Variants in IMPG1 observed in about 807,000 individuals in gnomAD.
IMPG1 encodes the protein interphotoreceptor matrix proteoglycan of 150 kDa.
In IMPG1, 85 loss-of-function variants were observed where a neutral mutation model predicts 92.0. The observed-to-expected ratio is 0.92, with a 90% confidence interval of 0.78 to 1.11. The LOEUF (loss-of-function observed/expected upper bound fraction) is 1.11, where lower values mean the gene tolerates loss of function less well. Ranked by LOEUF, IMPG1 falls within the 50% of genes least tolerant of loss-of-function variation. The probability of loss-of-function intolerance (pLI) is 0.00; values close to 1 mark genes in which losing one functional copy is unlikely to be tolerated. For missense variants in IMPG1, 1,022 were observed against 956.0 expected (o/e 1.07, Z -0.91); for synonymous variants, 367 against 334.1 (o/e 1.10, Z -1.08).
rs1358667738 is a variant in IMPG1 at position 75,988,149 on chromosome 6, G to T, written c.1291+14769C>A. ...TGGGTATATACCTACTAATGGGATG[G>T]CTGGGTCAAATGGTATTTCTAGTTC... On this transcript the variant is annotated intron_variant, in intron 12 of 16. Transcript: ENST00000369950. Among the ~76,000 whole-genome samples the T allele has an allele frequency of 2.0e-5, 3 of 152,276 alleles. No individual in the cohort carries two copies. In the East Asian group the frequency reaches 5.8e-4, roughly 29 times the overall value.
At chr6:75,958,336 C>T (rs1331461321) in intron 12 of IMPG1, among the ~76,000 whole-genome samples, 1 of 152,154 alleles carries the variant, frequency 6.6e-6, no homozygotes, top group East Asian at 1.9e-4. Flanking sequence ...TTCATTTCAA[C>T]TTTGGTGAAT....
chr6:75,939,965 T>C (rs1198249057), intron 14 of IMPG1, among the ~76,000 whole-genome samples: 2 of 152,248 alleles, frequency 1.3e-5, no homozygotes, highest in Non-Finnish European at 2.9e-5. Flanking sequence ...TAAAGCATTC[T>C]GATGACCTTT....
chr6:75,982,541 ATATCTATCTATC>A (rs145538984), intron 12 of IMPG1, among the ~76,000 whole-genome samples: 1 of 146,628 alleles, frequency 6.8e-6, no homozygotes, highest in Non-Finnish European at 1.5e-5. Flanking sequence ...AAAAATGTGT[ATATCTATCTATC>A]TATCTATCTA....
chr6:75,962,523 C>T (rs1313897383), intron 12 of IMPG1, among the ~76,000 whole-genome samples: 2 of 152,030 alleles, frequency 1.3e-5, no homozygotes, highest in Non-Finnish European at 2.9e-5. Context: ...TTCCACAGAA[C>T]AGGAGAATAA....
Position 76,003,916 on chromosome 6 carries a change from G to A in IMPG1, c.1170C>T (p.Asp390=), listed in dbSNP as rs1228477654. The change falls in exon 11 of 17, where the codon GAC becomes GAT. Residue 390 remains aspartate (D), a synonymous_variant. Coordinates refer to ENST00000369950, the MANE Select transcript of IMPG1 (RefSeq NM_001563.4). ...IAGSLPAFGP[D]TQSELPTSFA... is the part of the protein sequence containing the mutation. Reference sequence around the variant, plus strand: ...AAGATGTGGGCAGCTCTGATTGGGTGTCAGGACCAAAGGCTGGCAGTGATC... The same window carrying A: ...AAGATGTGGGCAGCTCTGATTGGGTATCAGGACCAAAGGCTGGCAGTGATC... 4 of 1,613,222 alleles carry A rather than the reference G, an allele frequency of 2.5e-6. No homozygotes were observed. The highest frequency in any genetic ancestry group is 3.4e-6 in the Non-Finnish European group (4 of 1,179,690).
intron 1 of IMPG1, among the ~76,000 whole-genome samples, chr6:76,057,633 A>G (rs1266648104): frequency 6.6e-6 from 1 of 152,052 alleles, no homozygotes; most frequent in Non-Finnish European, 1.5e-5. Flanking sequence ...AGGGTATTGC[A>G]TTTGCACATG....
intron 10 of IMPG1, among the ~76,000 whole-genome samples, chr6:76,004,385 C>CA (rs1783053460): frequency 6.6e-6 from 1 of 152,220 alleles, no homozygotes; most frequent in African/African-American, 2.4e-5. Flanking sequence ...TCAAAAGGGA[C>CA]AAGCCCCGAG....
At chr6:76,007,527 C>A in intron 8 of IMPG1, 27 bp from the exon 9 acceptor site, 1 of 1,552,434 alleles carries the variant, frequency 6.4e-7, no homozygotes, top group Non-Finnish European at 8.7e-7. Flanking sequence ...ACAATGGAAA[C>A]ATGAAAAAGA....
chr6:75,928,896 A>G (rs1781611919), intron 15 of IMPG1, among the ~76,000 whole-genome samples: 1 of 152,118 alleles, frequency 6.6e-6, no homozygotes, highest in African/African-American at 2.4e-5. Context: ...TTATGCTGCA[A>G]TTTGCTTTCT....
intron 12 of IMPG1, among the ~76,000 whole-genome samples, chr6:76,002,529 T>G (rs1783011825): frequency 6.6e-6 from 1 of 152,196 alleles, no homozygotes; most frequent in Non-Finnish European, 1.5e-5. Flanking sequence ...CAGTCCACGG[T>G]TGACATGGCT....
chr6:76,000,180 T>C (rs1165639851), intron 12 of IMPG1, among the ~76,000 whole-genome samples: 1 of 152,256 alleles, frequency 6.6e-6, no homozygotes, highest in East Asian at 1.9e-4. Context: ...AGTCAAATCA[T>C]GAAGCATCTA....
At position 76,053,825 on chromosome 6, in the gene IMPG1, A is replaced by G. The variant is rs1205375808; in HGVS notation, c.68-11699T>C. Among the ~76,000 whole-genome samples the G allele has an allele frequency of 2.0e-5, 3 of 152,152 alleles. No individual in the cohort carries two copies. The East Asian group carries it at 5.8e-4, about 29-fold the overall frequency. On this transcript the variant is annotated intron_variant, in intron 1 of 16. Transcript: ENST00000369950. ...GGTTTTATTGCTATCATGTAAACTTAATCTTGGAGTATGTTGGGAATTCTC... is the reference window on the plus strand; with the variant it reads ...GGTTTTATTGCTATCATGTAAACTTGATCTTGGAGTATGTTGGGAATTCTC...
chr6:75,934,912 A>G, intron 14 of IMPG1: 3 of 469,070 alleles, frequency 6.4e-6, no homozygotes, highest in South Asian at 3.1e-5. Flanking sequence ...GCGCTGTCCC[A>G]TTTTACTCAC....
At chr6:75,984,108 A>G (rs908387794) in intron 12 of IMPG1, among the ~76,000 whole-genome samples, 1 of 152,252 alleles carries the variant, frequency 6.6e-6, no homozygotes, top group African/African-American at 2.4e-5. Flanking sequence ...ACATTTGCAC[A>G]TTGTTCTTAG....
At chr6:75,924,956 C>T (rs1781526664) in intron 15 of IMPG1, among the ~76,000 whole-genome samples, 1 of 149,982 alleles carries the variant, frequency 6.7e-6, no homozygotes, top group African/African-American at 2.5e-5. Context: ...ACAGTAGTTA[C>T]CAGAGACTGG....
chr6:76,055,482 A>G (rs1251188902), intron 1 of IMPG1, among the ~76,000 whole-genome samples: 1 of 151,928 alleles, frequency 6.6e-6, no homozygotes, highest in Non-Finnish European at 1.5e-5. Flanking sequence ...TGACCTATGC[A>G]TCCATCTTAA....
intron 4 of IMPG1, among the ~76,000 whole-genome samples, chr6:76,028,196 G>T (rs1260498683): frequency 6.6e-6 from 1 of 152,168 alleles, no homozygotes; most frequent in Admixed American, 6.5e-5. Context: ...TGTCAATTGT[G>T]TTCCTAACTG....
intron 15 of IMPG1, among the ~76,000 whole-genome samples, chr6:75,924,698 T>TA (rs1380947037): frequency 0.61 from 292 of 480 alleles, 92 homozygotes; most frequent in East Asian, 0.79. Flanking sequence ...ATATAAATAA[T>TA]TATATATAAT....
chr6:75,942,593 C>G (rs1335454564), intron 14 of IMPG1, among the ~76,000 whole-genome samples: 2 of 152,162 alleles, frequency 1.3e-5, no homozygotes, highest in African/African-American at 4.8e-5. Context: ...ATCCAGGGTC[C>G]TGAGAGACAG....
Sources: gnomAD v4.1 joint callset for allele counts (sites outside exome capture counted in the v4.1 genomes callset) on GRCh38, gnomAD v4.1.1 for gene constraint, MANE v1.5 for transcripts, NCBI Gene and HGNC (gene_info 2026-07-23, HGNC 2026-07-21) for gene names.